Variants in SLC35D4 observed in about 807,000 individuals in gnomAD.
The protein encoded by SLC35D4 is solute carrier family 35 member D4, also known as UDP-N-acetylglucosamine transporter SLC35D4.
the SLC35D4 span, among the ~76,000 whole-genome samples, chr18:23,248,111 G>T: frequency 6.6e-6 from 1 of 152,236 alleles, no homozygotes; most frequent in Non-Finnish European, 1.5e-5. Context: ...TGCCACCCTT[G>T]CCCCCTCCAG....
the SLC35D4 span, among the ~76,000 whole-genome samples, chr18:23,371,945 T>TTTTTTTTG: frequency 1.4e-5 from 1 of 73,346 alleles, no homozygotes; most frequent in African/African-American, 5.9e-5. Context: ...GTTTTTTTTT[T>TTTTTTTTG]TTTTTTTTGA....
the SLC35D4 span, chr18:23,259,571 T>C: frequency 6.6e-6 from 1 of 152,158 alleles, no homozygotes; most frequent in Non-Finnish European, 1.5e-5. Context: ...TTTGTGGGTT[T>C]TAATTTATTT....
chr18:23,266,691 G>A, the SLC35D4 span, among the ~76,000 whole-genome samples: 112 of 152,322 alleles, frequency 7.4e-4, no homozygotes, highest in Non-Finnish European at 1.2e-3. Context: ...ATTCCCCCAG[G>A]TGCTTACTTG....
chr18:23,270,893 G>A, the SLC35D4 span, among the ~76,000 whole-genome samples: 8 of 152,326 alleles, frequency 5.3e-5, no homozygotes, highest in East Asian at 7.7e-4. Context: ...TTGGACTGTG[G>A]ACTTTTGAGT....
the SLC35D4 span, among the ~76,000 whole-genome samples, chr18:23,303,922 G>T: frequency 7.3e-6 from 1 of 137,164 alleles, no homozygotes; most frequent in Non-Finnish European, 1.6e-5. Context: ...AAAAAAAAAA[G>T]AATTTAGGCT....
the SLC35D4 span, among the ~76,000 whole-genome samples, chr18:23,268,460 G>T: frequency 6.6e-6 from 1 of 152,220 alleles, no homozygotes; most frequent in Non-Finnish European, 1.5e-5. Context: ...GCAAATCCCT[G>T]GGAATTCTGG....
chr18:23,396,877 C>G, the SLC35D4 span, among the ~76,000 whole-genome samples: 1 of 148,992 alleles, frequency 6.7e-6, no homozygotes, highest in Admixed American at 6.7e-5. Context: ...AAAAAAAAAG[C>G]CAGCTCAATT....
chr18:23,325,099 G>A, the SLC35D4 span, among the ~76,000 whole-genome samples: 2 of 151,938 alleles, frequency 1.3e-5, no homozygotes, highest in African/African-American at 2.4e-5. Context: ...GGAGAGTCCT[G>A]GGTGCTCCCT....
chr18:23,267,442 G>T, the SLC35D4 span, among the ~76,000 whole-genome samples: 1 of 152,012 alleles, frequency 6.6e-6, no homozygotes, highest in Non-Finnish European at 1.5e-5. Context: ...TGGCTCTCTA[G>T]GTTGTTCTGC....
the SLC35D4 span, among the ~76,000 whole-genome samples, chr18:23,364,801 G>A: frequency 1.3e-5 from 2 of 150,170 alleles, no homozygotes; most frequent in East Asian, 3.9e-4. Flanking sequence ...CACTCGGGAG[G>A]CTGAGGCAGG....
chr18:23,247,801 G>A, the SLC35D4 span, among the ~76,000 whole-genome samples: 11 of 152,374 alleles, frequency 7.2e-5, no homozygotes, highest in Non-Finnish European at 7.4e-5. Context: ...ACAGAAGGCC[G>A]GGATGCAGAA....
the SLC35D4 span, among the ~76,000 whole-genome samples, chr18:23,351,689 C>T: frequency 6.6e-6 from 1 of 152,158 alleles, no homozygotes; most frequent in East Asian, 1.9e-4. Context: ...CAGAAGTTGG[C>T]CCCACCATGT....
chr18:23,411,553 G>GA, the SLC35D4 span, among the ~76,000 whole-genome samples: 7 of 151,246 alleles, frequency 4.6e-5, no homozygotes, highest in South Asian at 6.3e-4. Flanking sequence ...AAGAAAGAAA[G>GA]GTGTGTGCTG....
At chr18:23,310,135 C>T in the SLC35D4 span, 6 of 833,116 alleles carry the variant, frequency 7.2e-6, no homozygotes, top group Non-Finnish European at 8.7e-6. Context: ...GTCAGATGTG[C>T]TCATTAACCT....
the SLC35D4 span, among the ~76,000 whole-genome samples, chr18:23,315,808 G>T: frequency 6.6e-6 from 1 of 152,158 alleles, no homozygotes; most frequent in African/African-American, 2.4e-5. Context: ...TTGGCTCCTG[G>T]ACCAACTGAC....
chr18:23,275,612 C>CCG, the SLC35D4 span, among the ~76,000 whole-genome samples: 126 of 127,918 alleles, frequency 9.9e-4, 1 homozygote, highest in African/African-American at 3.4e-3. Context: ...CTGTGCTGTG[C>CCG]TGTGCTGTGC....
chr18:23,268,783 C>T, the SLC35D4 span, among the ~76,000 whole-genome samples: 3 of 149,000 alleles, frequency 2.0e-5, no homozygotes, highest in Non-Finnish European at 4.4e-5. Flanking sequence ...CATTGTCTGC[C>T]TGCTGTGCGT....
chr18:23,309,079 T>C, the SLC35D4 span, among the ~76,000 whole-genome samples: 48 of 152,132 alleles, frequency 3.2e-4, no homozygotes, highest in African/African-American at 1.1e-3. Flanking sequence ...ATGTAAATAG[T>C]TGTTATACTG....
chr18:23,346,571 A>G, the SLC35D4 span, among the ~76,000 whole-genome samples: 2 of 151,738 alleles, frequency 1.3e-5, no homozygotes, highest in African/African-American at 2.4e-5. Flanking sequence ...CTCCATTCCA[A>G]TGTTCAATAG....
Sources: allele counts gnomAD v4.1 joint callset (sites outside exome capture counted in the v4.1 genomes callset), GRCh38; gene constraint gnomAD v4.1.1; transcripts MANE v1.5; gene names NCBI Gene and HGNC (gene_info 2026-07-23, HGNC 2026-07-21).